The following SORCS2 variants were observed in gnomAD, a reference collection of about 807,000 sequenced individuals.
The protein encoded by SORCS2 is sortilin related VPS10 domain containing receptor 2.
SORCS2 carries 100 observed loss-of-function variants against 141.6 expected under a neutral mutation model. The observed-to-expected ratio is 0.71, with a 90% CI of 0.60 to 0.83. The LOEUF (loss-of-function observed/expected upper bound fraction) is 0.83, where lower values mean the gene tolerates loss of function less well. Ranked by LOEUF, SORCS2 falls within the 40% of genes least tolerant of loss-of-function variation. SORCS2 has a pLI of 0.00. For missense variants in SORCS2, 1,646 were observed against 1,560.2 expected (o/e 1.05, Z -0.93); for synonymous variants, 789 against 676.9 (o/e 1.17, Z -2.57).
intron 1 of SORCS2, chr4:7,381,749 C>G (rs994196406): frequency 3.2e-5 from 6 of 189,018 alleles, no homozygotes; most frequent in Admixed American, 1.3e-4. Context: ...CGCCCCCACC[C>G]AGCCCACTGA....
At chr4:7,575,975 G>C (rs138712097) in intron 3 of SORCS2, among the ~76,000 whole-genome samples, 2 of 152,122 alleles carry the variant, frequency 1.3e-5, no homozygotes, top group Non-Finnish European at 2.9e-5. Flanking sequence ...TGAAAGGGTC[G>C]GTTGATTCTT....
At chr4:7,654,709 C>T (rs1487189709) in intron 5 of SORCS2, among the ~76,000 whole-genome samples, 2 of 152,230 alleles carry the variant, frequency 1.3e-5, no homozygotes, top group African/African-American at 4.8e-5. Context: ...CACCTGGGCC[C>T]CCCTTCCACT....
At chr4:7,671,431 G>A (rs1315018246) in intron 8 of SORCS2, among the ~76,000 whole-genome samples, 2 of 152,028 alleles carry the variant, frequency 1.3e-5, no homozygotes, top group African/African-American at 4.8e-5. Context: ...GTGTCTTACA[G>A]AGGCTCAAAG....
chr4:7,362,757 A>G (rs1037204676), intron 1 of SORCS2, among the ~76,000 whole-genome samples: 1 of 150,626 alleles, frequency 6.6e-6, no homozygotes, highest in Non-Finnish European at 1.5e-5. Flanking sequence ...TAACATCACC[A>G]CCTCCACCGT....
At chr4:7,321,700 G>A (rs1354063227) in intron 1 of SORCS2, among the ~76,000 whole-genome samples, 1 of 152,228 alleles carries the variant, frequency 6.6e-6, no homozygotes, top group Non-Finnish European at 1.5e-5. Context: ...TGAGGAGGGT[G>A]ATGGGCATGT....
At chr4:7,302,123 G>A (rs1487792903) in intron 1 of SORCS2, among the ~76,000 whole-genome samples, 3 of 152,222 alleles carry the variant, frequency 2.0e-5, no homozygotes, top group Non-Finnish European at 4.4e-5. Flanking sequence ...TTGCTCACTA[G>A]TTCTTGTCTC....
At position 7,742,710 on chromosome 4, in the gene SORCS2, G is replaced by C. The variant is rs1324629322; in HGVS notation, c.*2446G>C. On this transcript the variant is annotated 3_prime_UTR_variant, in exon 27 of 27. Transcript: ENST00000507866. ...GGTAGACCTGGGCGCCTGGGAACGA[G>C]GCCATCAGCTGCCATGCACATAACA... is the stretch of plus-strand genomic sequence containing the variant. 6.6e-6 allele frequency: 1 copy of C among 152,362 alleles called. No individual in the cohort carries two copies. The highest frequency in any genetic ancestry group is 1.5e-5 in the Non-Finnish European group (1 of 68,048). The allele number at this position is 152,362 out of a possible 1,614,324, so 9.4% of individuals were successfully genotyped here. A position where few individuals can be genotyped will look rare whatever the true frequency, so the allele number is the denominator to read the frequency against.
At chr4:7,661,315 A>C (rs551991063) in intron 5 of SORCS2, among the ~76,000 whole-genome samples, 185 bp from the exon 6 acceptor site, 1 of 129,612 alleles carries the variant, frequency 7.7e-6, no homozygotes, top group Non-Finnish European at 1.6e-5. Flanking sequence ...ACTCAAGGAA[A>C]ACGCAGAGAC....
chr4:7,535,324 G>A (rs772795023), intron 3 of SORCS2, among the ~76,000 whole-genome samples: 2 of 152,216 alleles, frequency 1.3e-5, no homozygotes, highest in South Asian at 2.1e-4. Context: ...GGGCAGTTAC[G>A]GTGCGGGGCC....
At chr4:7,652,510 C>T (rs1486896278) in intron 4 of SORCS2, among the ~76,000 whole-genome samples, 3 of 152,078 alleles carry the variant, frequency 2.0e-5, no homozygotes, top group African/African-American at 7.2e-5. Context: ...CCCGACCCCG[C>T]CCACTCCTCC....
chr4:7,374,024 A>T (rs764301686), intron 1 of SORCS2, among the ~76,000 whole-genome samples: 2 of 152,120 alleles, frequency 1.3e-5, no homozygotes, highest in African/African-American at 2.4e-5. Context: ...TTTCTTCTAG[A>T]AGTTTTACAG....
At chr4:7,723,670 G>C (rs749251847) in intron 18 of SORCS2, 27 bp from the exon 19 acceptor site, 2 of 1,613,118 alleles carry the variant, frequency 1.2e-6, no homozygotes, top group South Asian at 1.1e-5. Context: ...GCCCACTCCT[G>C]AGTGGCCACA....
chr4:7,367,271 C>T (rs1024799124), intron 1 of SORCS2, among the ~76,000 whole-genome samples: 1 of 152,218 alleles, frequency 6.6e-6, no homozygotes, highest in East Asian at 1.9e-4. Flanking sequence ...CAGCAACAAA[C>T]TTGAGTGTGT....
chr4:7,547,313 C>T (rs549469530), intron 3 of SORCS2, among the ~76,000 whole-genome samples: 9 of 152,214 alleles, frequency 5.9e-5, no homozygotes, highest in Non-Finnish European at 1.2e-4. Context: ...CCCACGGTCA[C>T]CCTGGTCTTC....
chr4:7,714,383 G>A lies in SORCS2; in HGVS notation c.2123+10G>A, dbSNP rs867666129. 48 of 1,549,350 alleles carry A rather than the reference G, an allele frequency of 3.1e-5. No homozygotes were observed. Among genetic ancestry groups the A allele is most frequent in the Admixed American group, 2.7e-4 (14 of 50,996 alleles). On this transcript the variant is annotated intron_variant, in intron 16 of 26. Transcript: ENST00000507866. ...ACTCGGACTTCCTGTGGTGAGCGAC[G>A]GGCTCCTGGCCACGAGGCCTCAGGC...
chr4:7,322,842 T>G (rs938143198), intron 1 of SORCS2, among the ~76,000 whole-genome samples: 2 of 152,164 alleles, frequency 1.3e-5, no homozygotes, highest in Non-Finnish European at 2.9e-5. Context: ...CAGAGATGAT[T>G]GGGGCCTCAA....
chr4:7,383,381 G>A (rs535931523), intron 1 of SORCS2, among the ~76,000 whole-genome samples: 3 of 152,100 alleles, frequency 2.0e-5, no homozygotes, highest in Non-Finnish European at 4.4e-5. Context: ...TCTTCCACCC[G>A]CCCCTCCTCC....
intron 8 of SORCS2, among the ~76,000 whole-genome samples, chr4:7,672,409 G>A (rs868414363): frequency 2.6e-5 from 4 of 152,288 alleles, no homozygotes; most frequent in African/African-American, 9.6e-5. Context: ...ATTTGATGAA[G>A]GTGTTGGTTC....
At chr4:7,367,540 G>A (rs185285721) in intron 1 of SORCS2, among the ~76,000 whole-genome samples, 65 of 152,334 alleles carry the variant, frequency 4.3e-4, no homozygotes, top group African/African-American at 1.5e-3. Context: ...CGGCGCCCGG[G>A]ATGCAAGAGC....
Sources: gnomAD v4.1 joint callset for allele counts (sites outside exome capture counted in the v4.1 genomes callset) on GRCh38, gnomAD v4.1.1 for gene constraint, MANE v1.5 for transcripts, NCBI Gene and HGNC (gene_info 2026-07-23, HGNC 2026-07-21) for gene names.